Variants in DLG2 observed in about 807,000 individuals in gnomAD.
The protein encoded by DLG2 is discs large MAGUK scaffold protein 2, also known as disks large homolog 2.
In DLG2, 45 loss-of-function variants were observed where a neutral mutation model predicts 132.5. The observed-to-expected ratio is 0.34, with a 90% CI of 0.27 to 0.44. The LOEUF is 0.44. Ranked by LOEUF, DLG2 falls within the 20% of genes least tolerant of loss-of-function variation. The pLI, the probability that DLG2 is intolerant of heterozygous loss-of-function variation, is 1.00. For missense variants in DLG2, 1,045 were observed against 1,196.9 expected, an observed-to-expected ratio of 0.87 and a Z score of 1.87; for synonymous variants, 424 against 419.6, an observed-to-expected ratio of 1.01 and a Z score of -0.13.
intron 6 of DLG2, among the ~76,000 whole-genome samples, chr11:84,978,777 C>T (rs1489835683): frequency 6.6e-6 from 1 of 152,138 alleles, no homozygotes; most frequent in Non-Finnish European, 1.5e-5. Context: ...GTCTAAAACA[C>T]CAAAAGCAAT....
At chr11:84,934,943 T>C (rs1331792955) in intron 6 of DLG2, among the ~76,000 whole-genome samples, 1 of 152,148 alleles carries the variant, frequency 6.6e-6, no homozygotes, top group Non-Finnish European at 1.5e-5. Flanking sequence ...CCAAATTGTT[T>C]GCCTGTTACT....
At position 83,541,633 on chromosome 11, in the gene DLG2, TCG is replaced by T. The variant is rs2096069779; in HGVS notation, c.2117+47_2117+48del. 3 of 1,477,834 alleles carry T rather than the reference TCG, an allele frequency of 2.0e-6. No individual in the cohort carries two copies. In the South Asian group the frequency reaches 4.1e-5, roughly 20 times the overall value. 91.5% of individuals were successfully genotyped at this position (1,477,834 alleles called of 1,614,324 possible). A position where few individuals can be genotyped will look rare whatever the true frequency, so the allele number is the denominator to read the frequency against. On this transcript the variant is annotated intron_variant, in intron 20 of 27. Transcript: ENST00000376104. Reference sequence around the variant, plus strand: ...CACCTTCTTCTTCCCTCATCTCCACTCGCTGGATAGCTGACAAGCAAATATTC... The same window carrying T: ...CACCTTCTTCTTCCCTCATCTCCACTCTGGATAGCTGACAAGCAAATATTC...
At chr11:85,476,308 C>A (rs2093139713) in intron 3 of DLG2, among the ~76,000 whole-genome samples, 1 of 151,686 alleles carries the variant, frequency 6.6e-6, no homozygotes, top group Non-Finnish European at 1.5e-5. Flanking sequence ...CAAGTCAAGT[C>A]TGGAAGTTGC....
intron 7 of DLG2, among the ~76,000 whole-genome samples, chr11:84,494,423 C>T (rs1427207464): frequency 6.6e-6 from 1 of 152,162 alleles, no homozygotes; most frequent in East Asian, 1.9e-4. Flanking sequence ...AGACTTTCTT[C>T]CCCTGAGAGT....
intron 7 of DLG2, chr11:84,272,409 T>G (rs138489081): frequency 3.1e-6 from 1 of 317,696 alleles, no homozygotes; most frequent in Non-Finnish European, 6.5e-6. Context: ...TCTTCTCTCA[T>G]AGCTAATTGG....
At chr11:84,036,808 G>T (rs2095875128) in intron 11 of DLG2, among the ~76,000 whole-genome samples, 1 of 152,130 alleles carries the variant, frequency 6.6e-6, no homozygotes, top group South Asian at 2.1e-4. Flanking sequence ...AGCACCTTCT[G>T]TGAATGAATA....
At chr11:84,593,746 T>A (rs938575533) in intron 6 of DLG2, among the ~76,000 whole-genome samples, 1 of 152,146 alleles carries the variant, frequency 6.6e-6, no homozygotes, top group Non-Finnish European at 1.5e-5. Context: ...AGTATATCTA[T>A]GTAATAAACG....
intron 6 of DLG2, among the ~76,000 whole-genome samples, chr11:84,594,733 T>C (rs2099552266): frequency 6.6e-6 from 1 of 152,210 alleles, no homozygotes; most frequent in Admixed American, 6.5e-5. Flanking sequence ...AAAAATCACT[T>C]TGACAGCAGT....
At chr11:84,530,272 C>CA (rs1240065474) in intron 7 of DLG2, among the ~76,000 whole-genome samples, 4 of 152,130 alleles carry the variant, frequency 2.6e-5, no homozygotes, top group Non-Finnish European at 5.9e-5. Context: ...ACAATTCTGA[C>CA]AAAAACAAAA....
intron 3 of DLG2, among the ~76,000 whole-genome samples, chr11:85,470,851 G>A (rs751397195): frequency 3.3e-5 from 5 of 152,246 alleles, no homozygotes; most frequent in Non-Finnish European, 5.9e-5. Flanking sequence ...TAGACAGTGA[G>A]AGGACTTTTT....
chr11:84,202,198 C>A (rs2096605141), intron 8 of DLG2, among the ~76,000 whole-genome samples: 1 of 151,950 alleles, frequency 6.6e-6, no homozygotes, highest in Non-Finnish European at 1.5e-5. Context: ...GGAGACATCA[C>A]ACTATCCAAC....
intron 6 of DLG2, among the ~76,000 whole-genome samples, chr11:85,054,467 T>C (rs566219162): frequency 6.6e-6 from 1 of 152,194 alleles, no homozygotes; most frequent in Admixed American, 6.5e-5. Flanking sequence ...TGTGGAAATT[T>C]CTCAAAAAAC....
At chr11:84,698,850 G>A (rs907714689) in intron 6 of DLG2, among the ~76,000 whole-genome samples, 7 of 151,374 alleles carry the variant, frequency 4.6e-5, no homozygotes, top group African/African-American at 9.7e-5. Flanking sequence ...GACATTTTAG[G>A]TAGTTCTGAA....
intron 7 of DLG2, among the ~76,000 whole-genome samples, chr11:84,374,933 C>T (rs144078351): frequency 0.011 from 1,700 of 152,206 alleles, 8 homozygotes; most frequent in South Asian, 0.022. Context: ...GTATTAACCC[C>T]TAAATACAAT....
At chr11:84,940,913 G>T (rs142902306) in intron 6 of DLG2, among the ~76,000 whole-genome samples, 2 of 152,252 alleles carry the variant, frequency 1.3e-5, no homozygotes, top group Admixed American at 6.5e-5. Flanking sequence ...TATATAGTAA[G>T]AGATAGCATC....
chr11:84,703,802 T>A (rs966715458), intron 6 of DLG2, among the ~76,000 whole-genome samples: 2 of 147,840 alleles, frequency 1.4e-5, no homozygotes, highest in Non-Finnish European at 3.0e-5. Flanking sequence ...AGCTCCTGGA[T>A]AATATTTTTA....
intron 8 of DLG2, among the ~76,000 whole-genome samples, chr11:84,227,994 A>T (rs2097030355): frequency 6.6e-6 from 1 of 151,554 alleles, no homozygotes; most frequent in African/African-American, 2.4e-5. Flanking sequence ...AAAGTCTTGG[A>T]TCTATGGTGG....
intron 17 of DLG2, among the ~76,000 whole-genome samples, chr11:83,795,988 ACTT>A (rs894630439): frequency 2.6e-5 from 4 of 152,178 alleles, no homozygotes; most frequent in South Asian, 2.1e-4. Context: ...CATCTGGAAA[ACTT>A]CTTCTAGTTC....
chr11:83,792,115 A>G (rs1179228243), intron 17 of DLG2, among the ~76,000 whole-genome samples: 1 of 152,156 alleles, frequency 6.6e-6, no homozygotes, highest in Non-Finnish European at 1.5e-5. Context: ...ATTCCATGTT[A>G]TGGATGTCCC....
Sources: allele counts gnomAD v4.1 joint callset (sites outside exome capture counted in the v4.1 genomes callset), GRCh38; gene constraint gnomAD v4.1.1; transcripts MANE v1.5; gene names NCBI Gene and HGNC (gene_info 2026-07-23, HGNC 2026-07-21).